The following MAPKBP1 variants were observed in gnomAD, a reference collection of about 807,000 sequenced individuals.
The protein encoded by MAPKBP1 is mitogen-activated protein kinase binding protein 1, also known as mitogen-activated protein kinase-binding protein 1.
Under a neutral mutation model 170.5 loss-of-function variants are expected in MAPKBP1, and 71 were observed. The observed-to-expected ratio is 0.42, with a 90% CI of 0.34 to 0.51. The LOEUF (loss-of-function observed/expected upper bound fraction) is 0.51, where lower values mean the gene tolerates loss of function less well. MAPKBP1 is among the 20% of genes least tolerant of loss of function. The pLI, the probability that MAPKBP1 is intolerant of heterozygous loss-of-function variation, is 0.06. For synonymous variants in MAPKBP1, 719 were observed against 757.9 expected, an observed-to-expected ratio of 0.95 and a Z score of 0.84; for missense variants, 1,598 against 1,933.0, an observed-to-expected ratio of 0.83 and a Z score of 3.25.
chr15:41,799,812 TC>T lies in MAPKBP1; in HGVS notation c.115-9del. The T allele has an allele frequency of 3.1e-6, 5 of 1,610,384 alleles. No individual in the cohort carries two copies. The highest frequency in any genetic ancestry group is 4.2e-6 in the Non-Finnish European group (5 of 1,176,646). ...TGTCTGTAACATGTCACTTCTCTCTTCCTCTAACAGGTGACCTTGGAGAAGG... is the reference window on the plus strand; with the variant it reads ...TGTCTGTAACATGTCACTTCTCTCTTCTCTAACAGGTGACCTTGGAGAAGG... On this transcript the variant is annotated splice_polypyrimidine_tract_variant and intron_variant, in intron 2 of 30. Transcript: ENST00000457542.
At chr15:41,819,557 G>GGGGGGGGGGGGGGC (rs1555454017) in intron 21 of MAPKBP1, 38 bp from the exon 22 acceptor site, 3 of 1,384,914 alleles carry the variant, frequency 2.2e-6, no homozygotes, top group African/African-American at 1.5e-5. Context: ...CGGGGGGGGG[G>GGGGGGGGGGGGGGC]CAGGAGACAC....
At chr15:41,780,963 T>G (rs1388236449) in intron 2 of MAPKBP1, among the ~76,000 whole-genome samples, 1 of 152,200 alleles carries the variant, frequency 6.6e-6, no homozygotes, top group Non-Finnish European at 1.5e-5. Context: ...GAAGGACACT[T>G]AACAGAAGAA....
intron 28 of MAPKBP1, 72 bp from the exon 29 acceptor site, chr15:41,823,375 C>T (rs1422396451): frequency 1.5e-5 from 24 of 1,554,480 alleles, no homozygotes; most frequent in Non-Finnish European, 2.0e-5. Flanking sequence ...AGCAGCTCTT[C>T]GGGATTGGGT....
At chr15:41,810,738 AAGAAAAG>A in intron 3 of MAPKBP1, 138 bp from the exon 4 acceptor site, 1 of 559,422 alleles carries the variant, frequency 1.8e-6, no homozygotes, top group Non-Finnish European at 3.1e-6. Flanking sequence ...AAAAAAAAAA[AAGAAAAG>A]GAAAAAAACA....
chr15:41,794,461 G>C (rs1020042870), intron 2 of MAPKBP1, among the ~76,000 whole-genome samples: 3 of 152,046 alleles, frequency 2.0e-5, no homozygotes, highest in Admixed American at 6.6e-5. Flanking sequence ...CAATAAAGAC[G>C]TGGAATAATA....
intron 2 of MAPKBP1, among the ~76,000 whole-genome samples, chr15:41,796,316 G>A (rs1179551731): frequency 1.3e-5 from 2 of 152,154 alleles, no homozygotes; most frequent in Non-Finnish European, 2.9e-5. Flanking sequence ...ATCTTCTAGG[G>A]CAGGTGGAAG....
At chr15:41,804,985 T>C (rs1048748127) in intron 3 of MAPKBP1, among the ~76,000 whole-genome samples, 10 of 152,228 alleles carry the variant, frequency 6.6e-5, no homozygotes, top group African/African-American at 2.4e-4. Context: ...CTGCTTTTCT[T>C]ATCTGATCAT....
intron 20 of MAPKBP1, 86 bp from the exon 21 acceptor site, chr15:41,819,160 A>G: frequency 1.3e-6 from 2 of 1,522,148 alleles, no homozygotes; most frequent in Non-Finnish European, 1.8e-6. Flanking sequence ...CCCCTCATTG[A>G]GTCTCCTCTT....
At chr15:41,783,767 T>C (rs2064230137) in intron 2 of MAPKBP1, among the ~76,000 whole-genome samples, 1 of 152,126 alleles carries the variant, frequency 6.6e-6, no homozygotes, top group South Asian at 2.1e-4. Flanking sequence ...CCCAGCACTT[T>C]GGGAGGCCGA....
chr15:41,779,127 G>C (rs1217663862), intron 2 of MAPKBP1, among the ~76,000 whole-genome samples: 1 of 152,144 alleles, frequency 6.6e-6, no homozygotes, highest in Non-Finnish European at 1.5e-5. Flanking sequence ...GGTTGGGTGG[G>C]TTTCATGAAG....
chr15:41,814,457 G>C, intron 9 of MAPKBP1, 93 bp from the exon 10 acceptor site: 1 of 1,264,374 alleles, frequency 7.9e-7, no homozygotes, highest in Non-Finnish European at 1.1e-6. Flanking sequence ...CAGGTCCAGG[G>C]AGGGCTCCTC....
intron 3 of MAPKBP1, among the ~76,000 whole-genome samples, chr15:41,808,697 A>C (rs2064749465): frequency 1.3e-5 from 2 of 150,822 alleles, no homozygotes. Context: ...CCTGATCTCG[A>C]ACTCCTGACC....
chr15:41,824,118 T>TG, intron 29 of MAPKBP1, 57 bp downstream of exon 29: 1 of 1,534,406 alleles, frequency 6.5e-7, no homozygotes, highest in Non-Finnish European at 8.7e-7. Context: ...CCCCTCTCTG[T>TG]TGGCCGCTGT....
chr15:41,803,855 T>C (rs1263197524), intron 3 of MAPKBP1, among the ~76,000 whole-genome samples: 1 of 152,174 alleles, frequency 6.6e-6, no homozygotes, highest in Non-Finnish European at 1.5e-5. Flanking sequence ...ACTGTTTTTT[T>C]TTGAGACAGA....
intron 8 of MAPKBP1, 66 bp downstream of exon 8, chr15:41,813,167 A>C: frequency 6.4e-7 from 1 of 1,552,384 alleles, no homozygotes; most frequent in Admixed American, 1.9e-5. Flanking sequence ...ACTAGTGCCC[A>C]GGGCTTCAGA....
Position 41,812,077 on chromosome 15 carries a change from G to T in MAPKBP1, c.448G>T (p.Val150Phe). ...CTTCTCTCCTAGCGCCAAGTACATT[G>T]TCTCTGTGGGCTACCAGCATGACAT... ...VAFSPSAKYI[V>F]SVGYQHDMIV... The change falls in exon 6 of 31, where the codon GTC becomes TTC. Residue 150 changes from valine (V) to phenylalanine (F), a missense_variant. Val to Phe is a conservative substitution (Grantham distance 50). Transcript: ENST00000457542. 1 of 1,614,130 alleles carries T rather than the reference G, an allele frequency of 6.2e-7. No homozygotes were observed. Among genetic ancestry groups the T allele is most frequent in the Non-Finnish European group, 8.5e-7 (1 of 1,180,034 alleles).
In MAPKBP1 at chr15:41,817,585, G is replaced by A; in HGVS notation, c.1783-29G>A. ...GGGGCCTGGTGAGGCATTTGGGTGT[G>A]GGCCTGCCCACATGCTCCACCCCTG... On this transcript the variant is annotated intron_variant, in intron 15 of 30. Transcript: ENST00000457542. The surrounding 1 kb of genome is among the most constrained non-coding windows in gnomAD (Gnocchi z 4.2). 1.2e-6 allele frequency: 2 copies of A among 1,614,106 alleles called. No individual in the cohort carries two copies. Among genetic ancestry groups the A allele is most frequent in the Non-Finnish European group, 1.7e-6 (2 of 1,180,000 alleles).
intron 3 of MAPKBP1, among the ~76,000 whole-genome samples, chr15:41,800,972 C>A (rs1436424771): frequency 6.6e-6 from 1 of 152,056 alleles, no homozygotes. Flanking sequence ...TGGGCTCAAG[C>A]AGTCCTCCCG....
chr15:41,824,882 T>G (rs1477613980), intron 30 of MAPKBP1, among the ~76,000 whole-genome samples: 1 of 152,210 alleles, frequency 6.6e-6, no homozygotes, highest in Non-Finnish European at 1.5e-5. Context: ...TGGCATCCTT[T>G]TTCATATCCA....
Sources: allele counts gnomAD v4.1 joint callset (sites outside exome capture counted in the v4.1 genomes callset), GRCh38; gene constraint gnomAD v4.1.1; non-coding constraint Gnocchi (gnomAD v3.1); transcripts MANE v1.5; gene names NCBI Gene and HGNC (gene_info 2026-07-23, HGNC 2026-07-21).